The following STOX2 variants were observed in gnomAD, a reference collection of about 807,000 sequenced individuals.
The protein encoded by STOX2 is storkhead-box protein 2.
Under a neutral mutation model 60.9 loss-of-function variants are expected in STOX2, and 28 were observed. The ratio of observed to expected loss-of-function variants is 0.46; its 90% CI spans 0.34 to 0.63. The LOEUF (loss-of-function observed/expected upper bound fraction) is 0.63, where lower values mean the gene tolerates loss of function less well. Ranked by LOEUF, STOX2 falls within the 30% of genes least tolerant of loss-of-function variation. The pLI, the probability that STOX2 is intolerant of heterozygous loss-of-function variation, is 0.01. For missense variants in STOX2, 1,024 were observed against 1,187.7 expected (o/e 0.86, Z 2.03); for synonymous variants, 472 against 463.9 (o/e 1.02, Z -0.22).
intron 1 of STOX2, among the ~76,000 whole-genome samples, chr4:183,978,118 C>CT (rs1243568815): frequency 1.3e-5 from 2 of 152,098 alleles, no homozygotes; most frequent in African/African-American, 2.4e-5. Flanking sequence ...TCCCATTTGT[C>CT]TTTTTTTGTT....
Position 183,883,563 on chromosome 4 carries a change from G to A in STOX2, c.364+85508G>A, listed in dbSNP as rs183111596. On this transcript the variant is annotated intron_variant, in intron 1 of 2. Coordinates refer to the STOX2 transcript ENST00000513034. ...GATCTCCTGACCTTGTGATCCACCC[G>A]TCTCGGCCTCCCAAAGTGCTGGGAT... Among the ~76,000 whole-genome samples the A allele has an allele frequency of 5.1e-3, 771 of 152,164 alleles. 3 individuals are homozygous for A. Among genetic ancestry groups the A allele is most frequent in the Non-Finnish European group, 7.8e-3 (531 of 67,982 alleles).
At chr4:183,929,633 G>A (rs1742351822) in intron 1 of STOX2, among the ~76,000 whole-genome samples, 1 of 152,126 alleles carries the variant, frequency 6.6e-6, no homozygotes, top group South Asian at 2.1e-4. Context: ...AATGAACAAA[G>A]AGGCTCTTGC....
At chr4:183,970,367 C>G (rs1743708295) in intron 1 of STOX2, among the ~76,000 whole-genome samples, 1 of 152,078 alleles carries the variant, frequency 6.6e-6, no homozygotes, top group African/African-American at 2.4e-5. Context: ...AATGATTGCC[C>G]AGCCACAAGC....
chr4:183,918,962 T>C lies in STOX2; in HGVS notation c.166+12006T>C, dbSNP rs541483639. ...CTGCATCTACCCCCGAGTTTCCATGTTACTTATTCATTTGCAACATATCCT... is the reference window on the plus strand; with the variant it reads ...CTGCATCTACCCCCGAGTTTCCATGCTACTTATTCATTTGCAACATATCCT... On this transcript the variant is annotated intron_variant, in intron 1 of 3. Transcript: ENST00000308497. Among the ~76,000 whole-genome samples, 14 of 152,324 alleles carry C rather than the reference T, an allele frequency of 9.2e-5. 1 individual carries two copies. Among genetic ancestry groups the C allele is most frequent in the Middle Eastern group, 3.4e-3 (1 of 294 alleles).
rs368860427 is a variant in STOX2 at position 183,850,824 on chromosome 4, G to A, written c.364+52769G>A. ...CAAATGGGAGAAAGGATGAGGGAAA[G>A]GATGAGAGAAAGGATGAGAGAAAGG... On this transcript the variant is annotated intron_variant, in intron 1 of 2. Coordinates refer to the STOX2 transcript ENST00000513034. Among the ~76,000 whole-genome samples, 19 of 150,544 alleles carry A rather than the reference G, an allele frequency of 1.3e-4. No homozygotes were observed. The East Asian group carries it at 1.6e-3, about 12-fold the overall frequency.
At chr4:183,903,813 T>C (rs960007909), upstream of STOX2, among the ~76,000 whole-genome samples, 1 of 152,212 alleles carries the variant, frequency 6.6e-6, no homozygotes, top group Admixed American at 6.5e-5. Context: ...TGGGGACCAG[T>C]TTCGTGGAAG....
intron 1 of STOX2, among the ~76,000 whole-genome samples, chr4:183,802,216 A>G (rs542263793): frequency 6.6e-6 from 1 of 152,320 alleles, no homozygotes; most frequent in African/African-American, 2.4e-5. Context: ...GACCAAATAC[A>G]CTTTTTTAGA....
intron 1 of STOX2, among the ~76,000 whole-genome samples, chr4:183,819,607 A>T (rs916205670): frequency 5.5e-5 from 1 of 18,238 alleles, no homozygotes; most frequent in Non-Finnish European, 1.1e-4. Context: ...TGGGAGGGGG[A>T]GGGGGAGGAG....
chr4:183,877,248 C>T (rs765090645), intron 1 of STOX2, among the ~76,000 whole-genome samples: 9 of 152,194 alleles, frequency 5.9e-5, no homozygotes, highest in Non-Finnish European at 1.0e-4. Context: ...CTACTCAAAG[C>T]GTATGGTCTG....
At chr4:183,823,729 C>T (rs1031314020) in intron 1 of STOX2, among the ~76,000 whole-genome samples, 2 of 152,186 alleles carry the variant, frequency 1.3e-5, no homozygotes, top group Non-Finnish European at 2.9e-5. Flanking sequence ...CGGAGGCTGC[C>T]GCGGGTTTGA....
intron 1 of STOX2, among the ~76,000 whole-genome samples, chr4:183,924,550 G>A (rs1742187884): frequency 1.3e-5 from 2 of 152,172 alleles, no homozygotes; most frequent in Admixed American, 1.3e-4. Context: ...TGGGACCCAG[G>A]AGGACCTTAT....
chr4:184,008,298 A>G (rs541464432), intron 2 of STOX2, among the ~76,000 whole-genome samples: 9 of 152,352 alleles, frequency 5.9e-5, no homozygotes, highest in African/African-American at 2.2e-4. Flanking sequence ...TCTGTCTCTT[A>G]AGGTAGACGA....
chr4:183,951,544 G>A (rs1000203768), intron 1 of STOX2, among the ~76,000 whole-genome samples: 1 of 142,558 alleles, frequency 7.0e-6, no homozygotes, highest in African/African-American at 2.6e-5. Context: ...TCCACCTCCC[G>A]GGTACAAGCG....
intron 3 of STOX2, chr4:184,015,733 T>C (rs1734341432): frequency 6.6e-6 from 1 of 152,248 alleles, no homozygotes; most frequent in South Asian, 2.1e-4. Context: ...GTTAACTAGC[T>C]CTAGCAGGCT....
intron 1 of STOX2, among the ~76,000 whole-genome samples, chr4:183,973,773 A>C (rs1732312745): frequency 6.6e-6 from 1 of 152,222 alleles, no homozygotes; most frequent in African/African-American, 2.4e-5. Flanking sequence ...AGGTGGGTGG[A>C]TCACGAGGTG....
At chr4:183,807,705 G>A (rs779597232) in intron 1 of STOX2, among the ~76,000 whole-genome samples, 39 of 152,194 alleles carry the variant, frequency 2.6e-4, no homozygotes, top group Non-Finnish European at 4.8e-4. Flanking sequence ...CTGAGCTGGG[G>A]GAGGTGGGGT....
intron 2 of STOX2, among the ~76,000 whole-genome samples, chr4:184,008,292 T>C (rs144350790): frequency 2.0e-5 from 3 of 152,328 alleles, no homozygotes; most frequent in African/African-American, 7.2e-5. Flanking sequence ...CTTAATTCTG[T>C]CTCTTAAGGT....
At chr4:183,897,475 A>G (rs1257460888) in intron 1 of STOX2, among the ~76,000 whole-genome samples, 4 of 152,222 alleles carry the variant, frequency 2.6e-5, no homozygotes, top group Non-Finnish European at 4.4e-5. Context: ...GGGTTTCAGT[A>G]TGAGATAGCT....
In STOX2 at chr4:184,009,453, C is replaced by A. The variant is rs759633745; in HGVS notation, c.615C>A (p.Asp205Glu). ...HCDSCHCCRE[D>E]VHSTHAPTLQ... The stretch of plus-strand genomic sequence containing the variant: ...ACTCTTGCCACTGCTGCAGAGAAGA[C>A]GTGCACAGCACGCATGCACCCACCC... The change falls in exon 3 of 4, where the codon GAC (aspartate) becomes GAA (glutamate). Residue 205 changes from aspartate to glutamate, a missense_variant. Transcript: ENST00000308497. The surrounding 1 kb of genome is among the most constrained non-coding windows in gnomAD (Gnocchi z 4.0). 1.2e-6 allele frequency: 2 copies of A among 1,614,036 alleles called. No homozygotes were observed. Among genetic ancestry groups the A allele is most frequent in the Admixed American group, 3.3e-5 (2 of 60,026 alleles).
Sources: gnomAD v4.1 joint callset for allele counts (sites outside exome capture counted in the v4.1 genomes callset) on GRCh38, gnomAD v4.1.1 for gene constraint, Gnocchi (gnomAD v3.1) non-coding constraint, MANE v1.5 for transcripts, NCBI Gene and HGNC (gene_info 2026-07-23, HGNC 2026-07-21) for gene names.